The following PDZD9 variants were observed in gnomAD, a reference collection of about 807,000 sequenced individuals.
The protein encoded by PDZD9 is PDZ domain containing 9, also known as PDZ domain-containing protein 9.
PDZD9 carries 13 observed loss-of-function variants against 16.3 expected under a neutral mutation model. The observed-to-expected ratio is 0.80, with a 90% confidence interval of 0.52 to 1.27. The LOEUF is 1.27. Ranked by LOEUF, PDZD9 falls within the 50% of genes most tolerant of loss-of-function variation. The probability of loss-of-function intolerance (pLI) is 0.00; values close to 1 mark genes in which losing one functional copy is unlikely to be tolerated. For missense variants in PDZD9, 288 were observed against 310.9 expected, an observed-to-expected ratio of 0.93 and a Z score of 0.55; for synonymous variants, 120 against 111.0, an observed-to-expected ratio of 1.08 and a Z score of -0.51.
chr16:21,973,997 A>T, the PDZD9 span: 51 of 1,589,672 alleles, frequency 3.2e-5, 1 homozygote, highest in East Asian at 1.1e-3. Flanking sequence ...AACTCACCAA[A>T]CTTCTTTCAT....
At chr16:21,985,445 G>T (rs889153561) in intron 3 of PDZD9, among the ~76,000 whole-genome samples, 7 of 151,832 alleles carry the variant, frequency 4.6e-5, no homozygotes, top group African/African-American at 1.2e-4. Context: ...CCAGGTTTTT[G>T]TTGTTGTTGT....
At chr16:21,962,964 G>T in the PDZD9 span, 1 of 1,485,080 alleles carries the variant, frequency 6.7e-7, no homozygotes, top group Non-Finnish European at 9.0e-7. Flanking sequence ...AAAAAAAATT[G>T]CTGTCAAAAT....
At chr16:21,994,314 C>T in intron 2 of PDZD9, among the ~76,000 whole-genome samples, 1 of 152,226 alleles carries the variant, frequency 6.6e-6, no homozygotes, top group East Asian at 1.9e-4. Flanking sequence ...CCCAGGGTCA[C>T]AGAACTAAAA....
the PDZD9 span, chr16:21,976,521 G>A: frequency 3.3e-6 from 1 of 299,938 alleles, no homozygotes; most frequent in Non-Finnish European, 6.2e-6. Flanking sequence ...GCAAGACCTC[G>A]TCTCCACCAA....
At chr16:21,981,649 G>A (rs1033848489), downstream of PDZD9, among the ~76,000 whole-genome samples, 3 of 151,830 alleles carry the variant, frequency 2.0e-5, no homozygotes, top group African/African-American at 7.3e-5. Flanking sequence ...CAGCTACTCA[G>A]GAGCTCATGG....
chr16:21,962,996 T>C, the PDZD9 span: 2 of 1,336,808 alleles, frequency 1.5e-6, no homozygotes, highest in Non-Finnish European at 2.0e-6. Context: ...TTTTTATTTA[T>C]TTATTGTTTT....
the PDZD9 span, chr16:21,962,956 A>G: frequency 1.3e-6 from 2 of 1,514,368 alleles, no homozygotes; most frequent in Non-Finnish European, 1.8e-6. Context: ...TATAGAAGAA[A>G]AAAAATTGCT....
In PDZD9 at chr16:21,984,214, A is replaced by G. The variant is rs1269659810; in HGVS notation, c.*53T>C. 7.1e-6 allele frequency: 11 copies of G among 1,544,112 alleles called. No homozygotes were observed. The highest frequency in any genetic ancestry group is 9.6e-6 in the Non-Finnish European group (11 of 1,142,938). On this transcript the variant is annotated 3_prime_UTR_variant, in exon 4 of 4. Transcript: ENST00000424898. ...AAGTACAGCAAACTTGTGCCTGGTGAGGCACAAAACTTGGGTGTCTGCAAG... is the reference window on the plus strand; with the variant it reads ...AAGTACAGCAAACTTGTGCCTGGTGGGGCACAAAACTTGGGTGTCTGCAAG...
At chr16:21,987,795 G>A (rs1041757079) in intron 3 of PDZD9, among the ~76,000 whole-genome samples, 4 of 152,042 alleles carry the variant, frequency 2.6e-5, no homozygotes, top group African/African-American at 7.2e-5. Flanking sequence ...GGCGTCTTTC[G>A]AGGAAACAGA....
downstream of PDZD9, chr16:21,980,507 C>T (rs1898692955): frequency 1.3e-6 from 2 of 1,594,340 alleles, no homozygotes; most frequent in African/African-American, 1.4e-5. Flanking sequence ...AAAATAATTG[C>T]CTTGCTCTCT....
chr16:21,985,351 G>A (rs1898852118), intron 3 of PDZD9, among the ~76,000 whole-genome samples: 1 of 151,958 alleles, frequency 6.6e-6, no homozygotes, highest in South Asian at 2.1e-4. Flanking sequence ...TGTTGCCCAT[G>A]CCTGTCTCAA....
chr16:21,983,080 C>G (rs771748561), downstream of PDZD9: 9 of 1,607,564 alleles, frequency 5.6e-6, no homozygotes, highest in East Asian at 4.5e-5. Context: ...TTGTTTGTTT[C>G]TTTAAAGGCG....
rs541678546 is a variant in PDZD9, at chr16:21,984,338, C to G, written c.724G>C (p.Asp242His). 3.3e-5 allele frequency: 53 copies of G among 1,613,804 alleles called. No homozygotes were observed. The East Asian group carries it at 1.2e-3, about 35-fold the overall frequency. Residue 242 changes from aspartate to histidine, a missense_variant, in exon 4 of 4, where the codon GAT becomes CAT. Asp to His is a moderately conservative substitution (Grantham distance 81). Coordinates refer to ENST00000424898, the MANE Select transcript of PDZD9 (RefSeq NM_001363519.1). ...SSSSSTSSTS[D>H]AFWLEDCAQV... is the part of the protein sequence containing the mutation. ...GCACAATCTTCCAGCCAAAATGCAT[C>G]TGAGGTAGAGGAGGTAGAGGAGGAA...
chr16:21,963,544 G>A, the PDZD9 span, among the ~76,000 whole-genome samples: 1 of 151,884 alleles, frequency 6.6e-6, no homozygotes, highest in African/African-American at 2.4e-5. Context: ...TCTCACTGCA[G>A]CCTGAACCTT....
downstream of PDZD9, chr16:21,980,479 G>A (rs1038059349): frequency 4.5e-6 from 7 of 1,547,500 alleles, no homozygotes; most frequent in East Asian, 2.2e-5. Context: ...ACAGCCCCCC[G>A]CCACCACTCA....
At chr16:21,980,420 A>G, downstream of PDZD9, 2 of 952,510 alleles carry the variant, frequency 2.1e-6, no homozygotes, top group Non-Finnish European at 3.1e-6. Context: ...GAATTCAGGA[A>G]GAGGGAGACA....
the PDZD9 span, among the ~76,000 whole-genome samples, chr16:21,978,552 C>A: frequency 1.3e-5 from 2 of 152,160 alleles, no homozygotes; most frequent in South Asian, 4.1e-4. Context: ...TGCTCACAGA[C>A]AAATCTCAGC....
chr16:21,986,878 C>T (rs1898888635), intron 3 of PDZD9, among the ~76,000 whole-genome samples: 1 of 152,170 alleles, frequency 6.6e-6, no homozygotes, highest in African/African-American at 2.4e-5. Flanking sequence ...AAGTTACAAA[C>T]ATGTTGCACA....
chr16:21,980,483 C>T (rs1898691345), downstream of PDZD9: 1 of 1,564,506 alleles, frequency 6.4e-7, no homozygotes, highest in Admixed American at 1.9e-5. Flanking sequence ...CCCCCCGCCA[C>T]CACTCAGAAA....
Sources: allele counts gnomAD v4.1 joint callset (sites outside exome capture counted in the v4.1 genomes callset), GRCh38; gene constraint gnomAD v4.1.1; transcripts MANE v1.5; gene names NCBI Gene and HGNC (gene_info 2026-07-23, HGNC 2026-07-21).